AGAP1: variants seen among roughly 807,000 people sequenced by gnomAD.
AGAP1 encodes arf-GAP with GTPase, ANK repeat and PH domain-containing protein 1.
Under a neutral mutation model 105.3 loss-of-function variants are expected in AGAP1, and 29 were observed. The observed-to-expected ratio is 0.28, with a 90% CI of 0.21 to 0.38. The LOEUF is 0.38. Ranked by LOEUF, AGAP1 falls within the 10% of genes least tolerant of loss-of-function variation. The probability of loss-of-function intolerance (pLI) is 1.00; values close to 1 mark genes in which losing one functional copy is unlikely to be tolerated. For synonymous variants in AGAP1, 509 were observed against 485.9 expected (o/e 1.05, Z -0.63); for missense variants, 998 against 1,165.1 (o/e 0.86, Z 2.09).
rs1444255462 is a variant in AGAP1, at chr2:235,642,884, CTG to C, written c.164-66292_164-66291del. 6.6e-6 allele frequency among the ~76,000 whole-genome samples: 1 copy of C among 152,170 alleles called. No homozygotes were observed. Among genetic ancestry groups the C allele is most frequent in the Non-Finnish European group, 1.5e-5 (1 of 68,034 alleles). ...CTTGGCAGATTTCTCGTGGCCTAGA[CTG>C]TGGTGTTTGGGGCCGCCTGTCTGTA... On this transcript the variant is annotated intron_variant, in intron 1 of 17. Transcript: ENST00000304032. The surrounding 1 kb of genome is among the most constrained non-coding windows in gnomAD (Gnocchi z 4.1).
intron 16 of AGAP1, among the ~76,000 whole-genome samples, chr2:236,117,782 T>G (rs1044230318): frequency 7.9e-5 from 12 of 152,232 alleles, no homozygotes; most frequent in African/African-American, 2.9e-4. Context: ...TTAATACATT[T>G]TAAATAAGGC....
In AGAP1 at chr2:235,889,739, T is replaced by C. The variant is rs1371599424; in HGVS notation, c.1155+6290T>C. ...GGAGGGAAACCTTTTTCTCCAGGTCTGTTTCATGTTGTTGAAAACCTCAAA... is the reference window on the plus strand; with the variant it reads ...GGAGGGAAACCTTTTTCTCCAGGTCCGTTTCATGTTGTTGAAAACCTCAAA... On this transcript the variant is annotated intron_variant, in intron 10 of 17. Transcript: ENST00000304032. This position sits in a 1 kb window ranked among gnomAD's most constrained non-coding sequence, Gnocchi z 4.6. 1.3e-5 allele frequency among the ~76,000 whole-genome samples: 2 copies of C among 152,200 alleles called. No homozygotes were observed. The highest frequency in any genetic ancestry group is 1.5e-5 in the Non-Finnish European group (1 of 68,038).
intron 1 of AGAP1, among the ~76,000 whole-genome samples, chr2:235,570,251 C>T (rs866089730): frequency 3.3e-5 from 5 of 152,288 alleles, no homozygotes; most frequent in East Asian, 1.9e-4. Flanking sequence ...GAGCAGTCCC[C>T]GGCTAGCGGC....
At position 236,003,559 on chromosome 2, in the gene AGAP1, G is replaced by T. The variant is rs755069973; in HGVS notation, c.1646-33002G>T. Among the ~76,000 whole-genome samples, 2 of 152,178 alleles carry T rather than the reference G, an allele frequency of 1.3e-5. No homozygotes were observed. Among genetic ancestry groups the T allele is most frequent in the Non-Finnish European group, 2.9e-5 (2 of 68,024 alleles). Reference sequence around the variant, plus strand: ...CCAGAGTCACCCGCAGCCCCCCTGCGCTGCTGCTGCCCGCATGGGGTACCC... The same window carrying T: ...CCAGAGTCACCCGCAGCCCCCCTGCTCTGCTGCTGCCCGCATGGGGTACCC... On this transcript the variant is annotated intron_variant, in intron 13 of 17. Coordinates refer to ENST00000304032, the MANE Select transcript of AGAP1 (RefSeq NM_001037131.3). The surrounding 1 kb of genome is among the most constrained non-coding windows in gnomAD (Gnocchi z 4.2).
Position 235,566,640 on chromosome 2 carries a change from C to T in AGAP1, c.163+71791C>T, listed in dbSNP as rs1944355144. 3.1e-6 allele frequency: 3 copies of T among 978,198 alleles called. No homozygotes were observed. The highest frequency in any genetic ancestry group is 3.6e-6 in the Non-Finnish European group (3 of 823,458). 60.6% of individuals were successfully genotyped at this position (978,198 alleles called of 1,614,324 possible). A position where few individuals can be genotyped will look rare whatever the true frequency, so the allele number is the denominator to read the frequency against. On this transcript the variant is annotated intron_variant, in intron 1 of 17. Transcript: ENST00000304032. The surrounding 1 kb of genome is among the most constrained non-coding windows in gnomAD (Gnocchi z 5.2). ...TCTTATTTATGTTGTATGCCTGACA[C>T]CTTCCTCATGCCGCAGGACCAGCCG...
rs559968794 is a variant in AGAP1, at chr2:236,055,752, G to C, written c.2114+6471G>C. Among the ~76,000 whole-genome samples the C allele has an allele frequency of 6.6e-6, 1 of 152,222 alleles. No homozygotes were observed. Among genetic ancestry groups the C allele is most frequent in the Non-Finnish European group, 1.5e-5 (1 of 68,044 alleles). ...TTTATACATCCTCGGCTATGCAAAC[G>C]CAACAGCTGCTCAGGGACCTCAGCC... On this transcript the variant is annotated intron_variant, in intron 16 of 17. Coordinates refer to ENST00000304032, the MANE Select transcript of AGAP1 (RefSeq NM_001037131.3). This position sits in a 1 kb window ranked among gnomAD's most constrained non-coding sequence, Gnocchi z 6.2.
At chr2:235,592,570 A>G (rs1197391660) in intron 1 of AGAP1, among the ~76,000 whole-genome samples, 2 of 152,042 alleles carry the variant, frequency 1.3e-5, no homozygotes, top group African/African-American at 4.8e-5. Context: ...TCAGCCAATC[A>G]GGCCTTCCTT....
intron 9 of AGAP1, among the ~76,000 whole-genome samples, chr2:235,833,543 C>T (rs1959717828): frequency 1.3e-5 from 2 of 151,580 alleles, no homozygotes; most frequent in South Asian, 2.1e-4. Context: ...CATCACCCCG[C>T]CCCCTCCTCA....
intron 1 of AGAP1, among the ~76,000 whole-genome samples, chr2:235,554,824 C>T (rs1306178798): frequency 6.6e-6 from 1 of 152,178 alleles, no homozygotes; most frequent in African/African-American, 2.4e-5. Flanking sequence ...CGCCTGCCAC[C>T]ATGCCTGACT....
intron 13 of AGAP1, among the ~76,000 whole-genome samples, chr2:235,987,447 A>C (rs2055364511): frequency 1.3e-5 from 2 of 149,186 alleles, no homozygotes; most frequent in South Asian, 2.1e-4. Context: ...TTTCAAAAAA[A>C]CAGCTACTGG....
Position 235,556,584 on chromosome 2 carries a change from T to C in AGAP1, c.163+61735T>C, listed in dbSNP as rs945936954. 9.2e-5 allele frequency among the ~76,000 whole-genome samples: 14 copies of C among 152,328 alleles called. No homozygotes were observed. Among genetic ancestry groups the C allele is most frequent in the Non-Finnish European group, 1.3e-4 (9 of 68,024 alleles). ...AGGGAAGGCATCAGGAGCCTTCTGC[T>C]GAGTTCAGTGGAAGGTGGTCTTCCT... On this transcript the variant is annotated intron_variant, in intron 1 of 17. Transcript: ENST00000304032. This position sits in a 1 kb window ranked among gnomAD's most constrained non-coding sequence, Gnocchi z 5.3.
At chr2:236,043,805 A>G (rs1213819803) in intron 15 of AGAP1, among the ~76,000 whole-genome samples, 3 of 152,244 alleles carry the variant, frequency 2.0e-5, no homozygotes, top group African/African-American at 7.2e-5. Context: ...GGGGTATGAC[A>G]ATGAGTCTAG....
rs1278589760 is a variant in AGAP1, at chr2:236,024,021, GT to G, written c.1646-12528del. On this transcript the variant is annotated intron_variant, in intron 13 of 17. Transcript: ENST00000304032. ...ACCCATCAGTAGTTTGTGGTTGGTT[GT>G]TTTTTTTTTTTGTTTTTTTTTTTTT... is the stretch of plus-strand genomic sequence containing the variant. Among the ~76,000 whole-genome samples the G allele has an allele frequency of 9.8e-5, 11 of 112,134 alleles. No individual in the cohort carries two copies. The South Asian group carries it at 1.0e-3, about 11-fold the overall frequency. 73.6% of individuals were successfully genotyped at this position (112,134 alleles called of 152,430 possible). A position where few individuals can be genotyped will look rare whatever the true frequency, so the allele number is the denominator to read the frequency against.
At chr2:236,112,208 T>C (rs530801141) in intron 16 of AGAP1, among the ~76,000 whole-genome samples, 6 of 152,052 alleles carry the variant, frequency 3.9e-5, no homozygotes, top group Non-Finnish European at 5.9e-5. Flanking sequence ...CTGAGGTCCA[T>C]AGTTTGAGAC....
At chr2:235,996,098 G>C (rs533706947) in intron 13 of AGAP1, among the ~76,000 whole-genome samples, 11 of 152,354 alleles carry the variant, frequency 7.2e-5, no homozygotes, top group African/African-American at 2.4e-4. Flanking sequence ...ACAAATAGCA[G>C]TGCCAGTTAA....
rs1961313784 is a variant in AGAP1 at position 235,845,065 on chromosome 2, A to C, written c.1050+37734A>C. 6.6e-6 allele frequency among the ~76,000 whole-genome samples: 1 copy of C among 152,178 alleles called. No homozygotes were observed. Among genetic ancestry groups the C allele is most frequent in the South Asian group, 2.1e-4 (1 of 4,816 alleles). On this transcript the variant is annotated intron_variant, in intron 9 of 17. Transcript: ENST00000304032. The surrounding 1 kb of genome is among the most constrained non-coding windows in gnomAD (Gnocchi z 4.8). ...CAGCAGTGGGGCTCCACATGGCTGA[A>C]TTGAACAGTCAACAAGGCAGCCTCC...
At chr2:236,033,848 A>C (rs1021756329) in intron 13 of AGAP1, among the ~76,000 whole-genome samples, 13 of 152,260 alleles carry the variant, frequency 8.5e-5, no homozygotes, top group Admixed American at 7.2e-4. Flanking sequence ...ACAGGGGACC[A>C]GTTGTGCAGA....
rs2056648104 is a variant in AGAP1 at position 236,015,000 on chromosome 2, C to A, written c.1646-21561C>A. On this transcript the variant is annotated intron_variant, in intron 13 of 17. Coordinates refer to ENST00000304032, the MANE Select transcript of AGAP1 (RefSeq NM_001037131.3). This position sits in a 1 kb window ranked among gnomAD's most constrained non-coding sequence, Gnocchi z 6.3. The stretch of plus-strand genomic sequence containing the variant: ...TGCAATTTGCCCAAAGCCGCATGCT[C>A]CCTTATTGTGTTTGCAGAGTCATTC... 3.6e-6 allele frequency: 1 copy of A among 278,760 alleles called. No individual in the cohort carries two copies. Among genetic ancestry groups the A allele is most frequent in the Non-Finnish European group, 7.5e-6 (1 of 132,824 alleles). 17.3% of individuals were successfully genotyped at this position (278,760 alleles called of 1,614,324 possible). A position where few individuals can be genotyped will look rare whatever the true frequency, so the allele number is the denominator to read the frequency against.
chr2:235,830,928 G>A lies in AGAP1; in HGVS notation c.1050+23597G>A, dbSNP rs1959277579. Among the ~76,000 whole-genome samples, 1 of 152,160 alleles carries A rather than the reference G, an allele frequency of 6.6e-6. No homozygotes were observed. The highest frequency in any genetic ancestry group is 2.4e-5 in the African/African-American group (1 of 41,416). On this transcript the variant is annotated intron_variant, in intron 9 of 17. Coordinates refer to ENST00000304032, the MANE Select transcript of AGAP1 (RefSeq NM_001037131.3). This position sits in a 1 kb window ranked among gnomAD's most constrained non-coding sequence, Gnocchi z 5.5. ...AGCAGGAATGGGACTGGATGGTGGG[G>A]ACTCCTGTGAGAATGCTGATGGGTG...
Sources: gnomAD v4.1 joint callset for allele counts (sites outside exome capture counted in the v4.1 genomes callset) on GRCh38, gnomAD v4.1.1 for gene constraint, Gnocchi (gnomAD v3.1) non-coding constraint, MANE v1.5 for transcripts, NCBI Gene and HGNC (gene_info 2026-07-23, HGNC 2026-07-21) for gene names.